NEDD4L: variants seen among roughly 807,000 people sequenced by gnomAD.
NEDD4L encodes the protein E3 ubiquitin-protein ligase NEDD4-like.
Under a neutral mutation model 148.9 loss-of-function variants are expected in NEDD4L, and 54 were observed. The ratio of observed to expected loss-of-function variants is 0.36; its 90% CI spans 0.29 to 0.45. NEDD4L has a LOEUF of 0.45. NEDD4L is among the 20% of genes least tolerant of loss of function. NEDD4L has a pLI of 1.00. For synonymous variants in NEDD4L, 433 were observed against 440.7 expected, an observed-to-expected ratio of 0.98 and a Z score of 0.22; for missense variants, 856 against 1,233.8, an observed-to-expected ratio of 0.69 and a Z score of 4.59.
At chr18:58,209,425 C>G (rs1790283053) in intron 2 of NEDD4L, among the ~76,000 whole-genome samples, 1 of 37,616 alleles carries the variant, frequency 2.7e-5, no homozygotes, top group African/African-American at 1.3e-4. Flanking sequence ...CCTCCTTTAC[C>G]TCCTCCTTCT....
At chr18:58,393,714 C>T (rs937967359) in intron 30 of NEDD4L, among the ~76,000 whole-genome samples, 3 of 152,174 alleles carry the variant, frequency 2.0e-5, no homozygotes, top group Non-Finnish European at 4.4e-5. Context: ...CTGGCTGTTT[C>T]GTGGCAACAG....
chr18:58,268,846 G>C (rs1224963048), intron 5 of NEDD4L, among the ~76,000 whole-genome samples: 1 of 152,006 alleles, frequency 6.6e-6, no homozygotes, highest in East Asian at 1.9e-4. Flanking sequence ...GTTTGAGGGA[G>C]GAGAGGAAGT....
At chr18:58,370,302 A>G in intron 22 of NEDD4L, 95 bp from the exon 23 acceptor site, 1 of 786,490 alleles carries the variant, frequency 1.3e-6, no homozygotes, top group Non-Finnish European at 2.2e-6. Flanking sequence ...ATGGTTTCTC[A>G]TTTACATTGA....
chr18:58,130,516 G>A (rs1313969857), intron 1 of NEDD4L, among the ~76,000 whole-genome samples: 59 of 114,146 alleles, frequency 5.2e-4, no homozygotes, highest in African/African-American at 1.8e-3. Flanking sequence ...GTGATCTAGC[G>A]GAACTGTGGC....
chr18:58,095,385 G>A (rs933237061), intron 1 of NEDD4L, among the ~76,000 whole-genome samples: 3 of 152,218 alleles, frequency 2.0e-5, no homozygotes, highest in Admixed American at 6.5e-5. Flanking sequence ...GTGAACAGAT[G>A]GGGGGAAGCC....
chr18:58,192,882 G>T (rs1290813379), intron 2 of NEDD4L, among the ~76,000 whole-genome samples: 1 of 152,174 alleles, frequency 6.6e-6, no homozygotes, highest in African/African-American at 2.4e-5. Flanking sequence ...GAAAGAAAAG[G>T]ATCCTTTAAT....
chr18:58,268,450 C>G (rs141047609), intron 5 of NEDD4L, among the ~76,000 whole-genome samples: 1 of 152,048 alleles, frequency 6.6e-6, no homozygotes. Flanking sequence ...AATCTCCCCC[C>G]ACAGACCTGC....
At chr18:58,272,859 G>A (rs140135823) in intron 5 of NEDD4L, among the ~76,000 whole-genome samples, 112 of 152,216 alleles carry the variant, frequency 7.4e-4, no homozygotes, top group African/African-American at 2.6e-3. Flanking sequence ...TGCAGACCAT[G>A]GCTCTTTTTC....
intron 2 of NEDD4L, among the ~76,000 whole-genome samples, chr18:58,232,457 C>A (rs761274991): frequency 6.6e-6 from 1 of 152,168 alleles, no homozygotes; most frequent in Non-Finnish European, 1.5e-5. Context: ...GCTGGTGGGC[C>A]AGCCAAGACT....
intron 1 of NEDD4L, among the ~76,000 whole-genome samples, chr18:58,089,389 A>G (rs1180987807): frequency 6.6e-6 from 1 of 151,932 alleles, no homozygotes; most frequent in Non-Finnish European, 1.5e-5. Flanking sequence ...CCTGCCTCAG[A>G]CTTCCAAAGA....
chr18:58,201,867 A>G (rs1352320419), intron 2 of NEDD4L, among the ~76,000 whole-genome samples: 1 of 152,186 alleles, frequency 6.6e-6, no homozygotes, highest in Non-Finnish European at 1.5e-5. Context: ...CAATGTCAGT[A>G]TACAGAGAAT....
At chr18:58,155,727 T>A (rs2035402693) in intron 1 of NEDD4L, among the ~76,000 whole-genome samples, 2 of 152,078 alleles carry the variant, frequency 1.3e-5, no homozygotes, top group Non-Finnish European at 2.9e-5. Flanking sequence ...TAAATTAGGG[T>A]GAGCATCATT....
intron 1 of NEDD4L, among the ~76,000 whole-genome samples, chr18:58,119,734 T>G (rs4940642): frequency 0.73 from 110,727 of 152,138 alleles, 40,394 homozygotes; most frequent in Admixed American, 0.77. Flanking sequence ...GGTTTTCAAT[T>G]TTGGCTGCAC....
At chr18:58,186,107 G>A (rs1048741609) in intron 2 of NEDD4L, among the ~76,000 whole-genome samples, 5 of 140,676 alleles carry the variant, frequency 3.6e-5, no homozygotes, top group African/African-American at 1.6e-4. Flanking sequence ...GTATGCACAC[G>A]GGAACAGAGA....
chr18:58,381,316 G>T (rs56761990), intron 24 of NEDD4L, among the ~76,000 whole-genome samples: 1 of 152,122 alleles, frequency 6.6e-6, no homozygotes, highest in East Asian at 1.9e-4. Flanking sequence ...ATCCCTGGGC[G>T]CTGCTTTTGG....
intron 2 of NEDD4L, among the ~76,000 whole-genome samples, chr18:58,178,903 T>A (rs576421685): frequency 6.6e-6 from 1 of 152,320 alleles, no homozygotes; most frequent in South Asian, 2.1e-4. Flanking sequence ...GAGAAACATG[T>A]GGAAGAAATA....
At position 58,333,871 on chromosome 18, in the gene NEDD4L, A is replaced by G; in HGVS notation, c.1044A>G (p.Ala348=). The change falls in exon 12 of 31, where the codon GCA becomes GCG. Residue 348 remains alanine (A), a synonymous_variant. Coordinates refer to ENST00000400345, the MANE Select transcript of NEDD4L (RefSeq NM_001144967.3). ...LRSCSVTDAV[A]EQGHLPPPSA... is the part of the protein sequence containing the mutation. The stretch of plus-strand genomic sequence containing the variant: ...CATGCAGTGTCACCGACGCAGTTGC[A>G]GAACAGGGCCATCTACCACCGGTAA... The G allele has an allele frequency of 6.2e-7, 1 of 1,613,562 alleles. No individual in the cohort carries two copies. Among genetic ancestry groups the G allele is most frequent in the Non-Finnish European group, 8.5e-7 (1 of 1,179,664 alleles).
chr18:58,166,879 G>A (rs1347647105), intron 2 of NEDD4L, among the ~76,000 whole-genome samples: 1 of 152,102 alleles, frequency 6.6e-6, no homozygotes, highest in Non-Finnish European at 1.5e-5. Context: ...CTATAAAGAA[G>A]CCCCTTTCTA....
At chr18:58,250,842 A>G (rs2047837042) in intron 4 of NEDD4L, among the ~76,000 whole-genome samples, 2 of 152,230 alleles carry the variant, frequency 1.3e-5, no homozygotes, top group Non-Finnish European at 2.9e-5. Flanking sequence ...GATGTAAATG[A>G]GAACATGTAG....
Sources: gnomAD v4.1 joint callset for allele counts (sites outside exome capture counted in the v4.1 genomes callset) on GRCh38, gnomAD v4.1.1 for gene constraint, MANE v1.5 for transcripts, NCBI Gene and HGNC (gene_info 2026-07-23, HGNC 2026-07-21) for gene names.